Variants in RUNX1T1 observed in about 807,000 individuals in gnomAD.
RUNX1T1 encodes protein CBFA2T1.
A neutral mutation model predicts 62.8 loss-of-function variants in RUNX1T1; 4 were observed. The observed-to-expected ratio is 0.06, with a 90% confidence interval of 0.03 to 0.15. The LOEUF (loss-of-function observed/expected upper bound fraction) is 0.15, where lower values mean the gene tolerates loss of function less well. Ranked by LOEUF, RUNX1T1 falls within the 10% of genes least tolerant of loss-of-function variation. The pLI is 1.00. For missense variants in RUNX1T1, 508 were observed against 754.3 expected, an observed-to-expected ratio of 0.67 and a Z score of 3.82; for synonymous variants, 291 against 286.0, an observed-to-expected ratio of 1.02 and a Z score of -0.18.
chr8:91,976,503 G>C (rs1813979229), intron 8 of RUNX1T1, among the ~76,000 whole-genome samples: 1 of 152,110 alleles, frequency 6.6e-6, no homozygotes, highest in Admixed American at 6.5e-5. Context: ...ACACAAATTA[G>C]ATCATATGGA....
exon 8 of RUNX1T1, chr8:91,986,205 C>T (rs1266909547): frequency 8.1e-6 from 13 of 1,613,942 alleles, no homozygotes; most frequent in South Asian, 1.1e-5. Flanking sequence ...TTTAAGTCCT[C>T]GGCGTCACTG....
intron 1 of RUNX1T1, among the ~76,000 whole-genome samples, chr8:92,036,339 C>T (rs1385809483): frequency 5.9e-5 from 9 of 152,154 alleles, no homozygotes; most frequent in Admixed American, 5.9e-4. Flanking sequence ...GGAAAGTGTT[C>T]TCAATTTTCT....
chr8:92,095,439 G>A, intron 1 of RUNX1T1: 2 of 1,535,596 alleles, frequency 1.3e-6, no homozygotes, highest in African/African-American at 2.7e-5. Flanking sequence ...GAGCTTATCA[G>A]AAGTAAAAGC....
intron 1 of RUNX1T1, among the ~76,000 whole-genome samples, chr8:92,089,972 AC>A (rs1836734894): frequency 6.7e-6 from 1 of 149,144 alleles, no homozygotes; most frequent in African/African-American, 2.5e-5. Context: ...CACTCTCCTA[AC>A]CCTGGGAAAG....
At chr8:91,990,215 A>C (rs896999384) in intron 6 of RUNX1T1, among the ~76,000 whole-genome samples, 1 of 152,236 alleles carries the variant, frequency 6.6e-6, no homozygotes, top group Non-Finnish European at 1.5e-5. Context: ...CCATCACTGT[A>C]ATCAAGTAGT....
intron 3 of RUNX1T1, among the ~76,000 whole-genome samples, chr8:92,013,365 G>A (rs966404507): frequency 2.6e-5 from 4 of 152,106 alleles, no homozygotes; most frequent in African/African-American, 9.7e-5. Context: ...GGCAGTTAAT[G>A]GTTAAAAATT....
intron 1 of RUNX1T1, among the ~76,000 whole-genome samples, chr8:92,084,710 A>T (rs1436073496): frequency 1.3e-5 from 2 of 152,156 alleles, no homozygotes; most frequent in Non-Finnish European, 2.9e-5. Flanking sequence ...GTGTCACCAG[A>T]GGCTTAGGAG....
intron 6 of RUNX1T1, among the ~76,000 whole-genome samples, chr8:91,988,860 C>T (rs1006867754): frequency 2.0e-5 from 3 of 151,886 alleles, no homozygotes; most frequent in Admixed American, 6.6e-5. Context: ...ATTCATTTGC[C>T]GCTTTTGAAC....
At chr8:91,977,206 T>C (rs1814159390) in intron 8 of RUNX1T1, 1 of 197,572 alleles carries the variant, frequency 5.1e-6, no homozygotes, top group African/African-American at 2.3e-5. Flanking sequence ...TATTCTGAAT[T>C]AGCAAAAATT....
chr8:92,098,562 T>C (rs1300589684), intron 1 of RUNX1T1, among the ~76,000 whole-genome samples: 4 of 152,196 alleles, frequency 2.6e-5, no homozygotes, highest in Admixed American at 6.5e-5. Flanking sequence ...CTAACATCCA[T>C]GTCTAAGTTG....
intron 5 of RUNX1T1, among the ~76,000 whole-genome samples, chr8:91,993,994 AAAC>A (rs755863798): frequency 4.3e-4 from 65 of 152,132 alleles, no homozygotes; most frequent in African/African-American, 1.3e-3. Context: ...CTCTTTCTTA[AAAC>A]AACAACAACA....
intron 1 of RUNX1T1, among the ~76,000 whole-genome samples, chr8:92,090,484 G>A (rs545740581): frequency 5.2e-4 from 79 of 152,282 alleles, no homozygotes; most frequent in African/African-American, 1.8e-3. Context: ...CCTCAGTGCA[G>A]TGTAGAATGA....
At chr8:92,000,006 A>C (rs980981355) in intron 5 of RUNX1T1, among the ~76,000 whole-genome samples, 3 of 152,176 alleles carry the variant, frequency 2.0e-5, no homozygotes, top group Non-Finnish European at 4.4e-5. Context: ...TATCTTTAAC[A>C]TATAAATGTA....
At chr8:92,074,773 T>C (rs1347426241) in intron 2 of RUNX1T1, among the ~76,000 whole-genome samples, 1 of 152,150 alleles carries the variant, frequency 6.6e-6, no homozygotes, top group African/African-American at 2.4e-5. Context: ...GCTTAAACAA[T>C]TGAACTCCTT....
intron 10 of RUNX1T1, among the ~76,000 whole-genome samples, chr8:91,960,720 C>A (rs1227785244): frequency 6.6e-6 from 1 of 152,184 alleles, no homozygotes; most frequent in Non-Finnish European, 1.5e-5. Context: ...AACTGCTCTG[C>A]CAACAACTAC....
At chr8:92,085,226 G>T (rs2067489) in intron 1 of RUNX1T1, among the ~76,000 whole-genome samples, 2 of 152,208 alleles carry the variant, frequency 1.3e-5, no homozygotes, top group African/African-American at 4.8e-5. Flanking sequence ...GAAGGGCAGA[G>T]GCCCAGACCA....
chr8:92,007,922 C>T (rs751632285), intron 4 of RUNX1T1, among the ~76,000 whole-genome samples: 23 of 144,058 alleles, frequency 1.6e-4, no homozygotes, highest in Non-Finnish European at 2.7e-4. Context: ...GAGCCATGAC[C>T]GTGCCACTGC....
intron 1 of RUNX1T1, among the ~76,000 whole-genome samples, chr8:92,088,169 G>A (rs1477625165): frequency 6.6e-6 from 1 of 152,200 alleles, no homozygotes; most frequent in East Asian, 1.9e-4. Flanking sequence ...CAGAATCCCA[G>A]CAGTCACTTA....
At chr8:91,956,655 CAA>C, downstream of RUNX1T1, 1 of 225,660 alleles carries the variant, frequency 4.4e-6, no homozygotes. Flanking sequence ...CTTAAAAGCT[CAA>C]GAGTATGCTG....
Sources: allele counts gnomAD v4.1 joint callset (sites outside exome capture counted in the v4.1 genomes callset), GRCh38; gene constraint gnomAD v4.1.1; transcripts MANE v1.5; gene names NCBI Gene and HGNC (gene_info 2026-07-23, HGNC 2026-07-21).